The following GIPC2 variants were observed in gnomAD, a reference collection of about 807,000 sequenced individuals.
The protein encoded by GIPC2 is PDZ domain-containing protein GIPC2.
GIPC2 carries 30 observed loss-of-function variants against 30.6 expected under a neutral mutation model. That is an observed-to-expected ratio of 0.98 (90% CI 0.73 to 1.33). GIPC2 has a LOEUF of 1.33. Among genes scored for constraint, GIPC2 ranks in the 40% most tolerant of loss-of-function variants. The pLI is 0.00. For synonymous variants in GIPC2, 167 were observed against 150.0 expected, an observed-to-expected ratio of 1.11 and a Z score of -0.83; for missense variants, 414 against 390.3, an observed-to-expected ratio of 1.06 and a Z score of -0.51.
chr1:78,071,041 C>A (rs968608327), intron 1 of GIPC2, among the ~76,000 whole-genome samples: 1 of 152,074 alleles, frequency 6.6e-6, no homozygotes, highest in Non-Finnish European at 1.5e-5. Context: ...TCTGTCTTGT[C>A]GCCAATTTTA....
chr1:78,133,780 GTGTGTGTGTA>G (rs1244461833), intron 5 of GIPC2, among the ~76,000 whole-genome samples: 2 of 150,928 alleles, frequency 1.3e-5, no homozygotes, highest in East Asian at 3.9e-4. Context: ...GTGTGTGTGT[GTGTGTGTGTA>G]TGTATGTATT....
At chr1:78,058,991 G>A (rs182663056) in intron 1 of GIPC2, among the ~76,000 whole-genome samples, 25 of 152,214 alleles carry the variant, frequency 1.6e-4, no homozygotes, top group East Asian at 1.2e-3. Context: ...TTTACTGATC[G>A]TTTTGCTGCC....
chr1:78,125,496 C>T (rs1405281956), intron 4 of GIPC2, among the ~76,000 whole-genome samples: 2 of 152,172 alleles, frequency 1.3e-5, no homozygotes, highest in Non-Finnish European at 2.9e-5. Flanking sequence ...AGCCAAGTCA[C>T]CTTCTTTCTA....
intron 2 of GIPC2, among the ~76,000 whole-genome samples, chr1:78,090,743 T>C (rs1471433821): frequency 1.3e-5 from 2 of 152,168 alleles, no homozygotes; most frequent in Admixed American, 1.3e-4. Flanking sequence ...TTCTAACATT[T>C]TACTTGTTCA....
chr1:78,081,789 A>G (rs910287772), intron 2 of GIPC2, among the ~76,000 whole-genome samples: 1 of 152,204 alleles, frequency 6.6e-6, no homozygotes, highest in South Asian at 2.1e-4. Flanking sequence ...GGCACTTTGC[A>G]TACAATTTCT....
chr1:78,112,100 C>G lies in GIPC2; in HGVS notation c.608-7293C>G, dbSNP rs187984928. 1.3e-3 allele frequency among the ~76,000 whole-genome samples: 196 copies of G among 152,320 alleles called. 2 individuals carry two copies. The highest frequency in any genetic ancestry group is 0.012 in the Admixed American group (180 of 15,304). Reference sequence around the variant, plus strand: ...TGTTTTAAGAGAGCCAGATAATATGCTTTTGAGAAGTCAGGAAAATTTTAT... The same window carrying G: ...TGTTTTAAGAGAGCCAGATAATATGGTTTTGAGAAGTCAGGAAAATTTTAT... On this transcript the variant is annotated intron_variant, in intron 3 of 5. Transcript: ENST00000370759.
upstream of GIPC2, chr1:78,045,812 G>C (rs571105946): frequency 5.1e-4 from 612 of 1,204,706 alleles, no homozygotes; most frequent in Non-Finnish European, 6.1e-4. Flanking sequence ...CACGTAAATA[G>C]AGCCATTTTT....
At chr1:78,118,519 T>A (rs1289230108) in intron 3 of GIPC2, among the ~76,000 whole-genome samples, 2 of 152,150 alleles carry the variant, frequency 1.3e-5, no homozygotes, top group Admixed American at 1.3e-4. Flanking sequence ...GTGGTGACGC[T>A]TAGTTTGTTG....
chr1:78,131,096 C>T (rs1269626058), intron 5 of GIPC2, among the ~76,000 whole-genome samples: 2 of 152,152 alleles, frequency 1.3e-5, no homozygotes. Flanking sequence ...ATCACCCTCC[C>T]AAGTAGCAGG....
At chr1:78,078,450 C>T (rs1051844928) in intron 1 of GIPC2, among the ~76,000 whole-genome samples, 9 of 152,144 alleles carry the variant, frequency 5.9e-5, no homozygotes, top group African/African-American at 1.4e-4. Context: ...ACACAGCTTC[C>T]CATGAAGTTC....
At chr1:78,074,683 T>A (rs1661682986) in intron 1 of GIPC2, among the ~76,000 whole-genome samples, 1 of 152,244 alleles carries the variant, frequency 6.6e-6, no homozygotes, top group Admixed American at 6.5e-5. Context: ...ATTATTTTCA[T>A]CTCTTACGTT....
intron 1 of GIPC2, among the ~76,000 whole-genome samples, chr1:78,078,409 G>C (rs1415626014): frequency 1.3e-5 from 2 of 152,110 alleles, no homozygotes; most frequent in Non-Finnish European, 2.9e-5. Context: ...ATTCCACCTT[G>C]CAGTGGCTAT....
At chr1:78,084,409 G>T (rs1227506271) in intron 2 of GIPC2, among the ~76,000 whole-genome samples, 1 of 151,292 alleles carries the variant, frequency 6.6e-6, no homozygotes, top group East Asian at 1.9e-4. Flanking sequence ...TACTTGGGAG[G>T]CCAAGACAGG....
chr1:78,045,359 C>T (rs1181833868), upstream of GIPC2, among the ~76,000 whole-genome samples: 1 of 152,192 alleles, frequency 6.6e-6, no homozygotes, highest in African/African-American at 2.4e-5. Context: ...GGAACTCACA[C>T]TTCACACCGA....
intron 1 of GIPC2, among the ~76,000 whole-genome samples, chr1:78,070,376 A>C (rs1047119761): frequency 6.6e-6 from 1 of 152,236 alleles, no homozygotes; most frequent in African/African-American, 2.4e-5. Flanking sequence ...TAAGTGGTTC[A>C]GAAAGCATGG....
intron 4 of GIPC2, among the ~76,000 whole-genome samples, chr1:78,124,227 T>C (rs1381113146): frequency 6.6e-6 from 1 of 152,152 alleles, no homozygotes; most frequent in African/African-American, 2.4e-5. Context: ...AAATTTAAAA[T>C]AATATTTTTA....
At chr1:78,103,939 CT>C (rs1455651654) in intron 3 of GIPC2, among the ~76,000 whole-genome samples, 1 of 152,158 alleles carries the variant, frequency 6.6e-6, no homozygotes, top group Non-Finnish European at 1.5e-5. Flanking sequence ...GATATTAGAG[CT>C]TTTAAGTGCT....
chr1:78,045,605 G>A (rs1236986961), upstream of GIPC2: 3 of 985,454 alleles, frequency 3.0e-6, no homozygotes, highest in East Asian at 3.4e-4. Context: ...GCCCTGCAGA[G>A]CGTAAGACGC....
chr1:78,069,475 C>CTTTTTT (rs1167457025), intron 1 of GIPC2, among the ~76,000 whole-genome samples: 1 of 127,294 alleles, frequency 7.9e-6, no homozygotes, highest in African/African-American at 3.0e-5. Context: ...CCCTGTAGTA[C>CTTTTTT]TTTTTTTTTT....
Sources: gnomAD v4.1 joint callset for allele counts (sites outside exome capture counted in the v4.1 genomes callset) on GRCh38, gnomAD v4.1.1 for gene constraint, MANE v1.5 for transcripts, NCBI Gene and HGNC (gene_info 2026-07-23, HGNC 2026-07-21) for gene names.